Variants in SORL1 observed in about 807,000 individuals in gnomAD.
SORL1 encodes sortilin-related receptor.
A neutral mutation model predicts 273.7 loss-of-function variants in SORL1; 127 were observed. The ratio of observed to expected loss-of-function variants is 0.46; its 90% CI spans 0.40 to 0.54. The LOEUF (loss-of-function observed/expected upper bound fraction) is 0.54, where lower values mean the gene tolerates loss of function less well. Ranked by LOEUF, SORL1 falls within the 20% of genes least tolerant of loss-of-function variation. SORL1 has a pLI of 0.00. For missense variants in SORL1, 2,494 were observed against 2,846.1 expected, an observed-to-expected ratio of 0.88 and a Z score of 2.81; for synonymous variants, 1,031 against 1,067.4, an observed-to-expected ratio of 0.97 and a Z score of 0.66.
In SORL1 at chr11:121,625,124, A is replaced by G. The variant is rs374388546; in HGVS notation, c.6211A>G (p.Thr2071Ala). The change falls in exon 46 of 48, where the codon ACA becomes GCA. Residue 2071 changes from threonine (T) to alanine (A), a missense_variant. By Grantham distance (58) the Thr-to-Ala change is moderately conservative (BLOSUM62 0). Transcript: ENST00000260197. ...CATGTTTGATAGTGCCATGAATATC[A>G]CAGCTTACCTTGGGAATACTACTGA... ...IHMFDSAMNI[T>A]AYLGNTTDNF... is the part of the protein sequence containing the mutation. The G allele has an allele frequency of 1.7e-5, 28 of 1,613,460 alleles. No homozygotes were observed. The highest frequency in any genetic ancestry group is 2.4e-5 in the Non-Finnish European group (28 of 1,179,586).
chr11:121,452,395 C>A lies in SORL1; in HGVS notation c.64C>A (p.Leu22Met), dbSNP rs866322118. 1.3e-6 allele frequency: 2 copies of A among 1,539,458 alleles called. No individual in the cohort carries two copies. ...GTTCCTATTCACCCTGGTCGCACTG[C>A]TGCCGCCCGGAGCTCTCTGCGAAGT... ...LPFLFTLVAL[L>M]PPGALCEVWT... is the part of the protein sequence containing the mutation. Residue 22 changes from leucine (L) to methionine (M), a missense_variant, in exon 1 of 48, where the codon CTG becomes ATG. Leu to Met is a conservative substitution (Grantham distance 15, BLOSUM62 2). This residue lies in a region of SORL1 where 175 missense variants were observed against 147.1 expected (regional missense o/e 1.19). Coordinates refer to ENST00000260197, the MANE Select transcript of SORL1 (RefSeq NM_003105.6). The surrounding 1 kb of genome is among the most constrained non-coding windows in gnomAD (Gnocchi z 5.3).
intron 1 of SORL1, among the ~76,000 whole-genome samples, chr11:121,469,259 G>A (rs1861135333): frequency 6.6e-6 from 1 of 152,152 alleles, no homozygotes; most frequent in Non-Finnish European, 1.5e-5. Flanking sequence ...TCAGTCCCAG[G>A]CCACACCTTC....
intron 45 of SORL1, among the ~76,000 whole-genome samples, chr11:121,623,757 T>G (rs1463808501): frequency 6.6e-6 from 1 of 152,194 alleles, no homozygotes; most frequent in Admixed American, 6.5e-5. Flanking sequence ...AGGTTAAGAT[T>G]CTAGGTTAGT....
rs73595277 is a variant in SORL1 at position 121,583,440 on chromosome 11, C to A, written c.3581-18C>A. 1.2e-6 allele frequency: 2 copies of A among 1,605,648 alleles called. No individual in the cohort carries two copies. Among genetic ancestry groups the A allele is most frequent in the East Asian group, 4.5e-5 (2 of 44,254 alleles). ...GGAGATGAGGGGTGTGCGACTGTGT[C>A]TCTCTTCTCTGTTACAGCCATCTAT... On this transcript the variant is annotated intron_variant, in intron 25 of 47. Transcript: ENST00000260197.
intron 2 of SORL1, among the ~76,000 whole-genome samples, chr11:121,476,905 C>T (rs1036913793): frequency 2.0e-5 from 3 of 151,814 alleles, no homozygotes; most frequent in East Asian, 3.9e-4. Context: ...GATCTTCACA[C>T]CTCAGCTTCC....
intron 8 of SORL1, among the ~76,000 whole-genome samples, chr11:121,519,007 G>T (rs1404873267): frequency 6.6e-6 from 1 of 150,520 alleles, no homozygotes; most frequent in East Asian, 2.0e-4. Context: ...GAGTGCAGTG[G>T]CACGATCTCA....
In SORL1 at chr11:121,571,083, G is replaced by A. The variant is rs565609492; in HGVS notation, c.3337+813G>A. On this transcript the variant is annotated intron_variant, in intron 23 of 47. Coordinates refer to ENST00000260197, the MANE Select transcript of SORL1 (RefSeq NM_003105.6). ...ATATATTGCCGATCAAGGCAGAAAC[G>A]GAGTTCACAGTCTGAAGTAGGAGTC... is the stretch of plus-strand genomic sequence containing the variant. Among the ~76,000 whole-genome samples the A allele has an allele frequency of 3.3e-5, 5 of 152,296 alleles. No individual in the cohort carries two copies. The East Asian group carries it at 9.6e-4, about 29-fold the overall frequency.
At chr11:121,602,313 A>G (rs985856744) in intron 32 of SORL1, among the ~76,000 whole-genome samples, 1 of 152,146 alleles carries the variant, frequency 6.6e-6, no homozygotes, top group African/African-American at 2.4e-5. Flanking sequence ...TCTATTGACA[A>G]TTTTTTATCA....
At chr11:121,575,546 C>T (rs1056000712) in intron 24 of SORL1, among the ~76,000 whole-genome samples, 3 of 152,226 alleles carry the variant, frequency 2.0e-5, no homozygotes, top group Non-Finnish European at 4.4e-5. Flanking sequence ...CTCACAGCAG[C>T]TGAAATAAGG....
chr11:121,465,950 C>T (rs935849309), intron 1 of SORL1, among the ~76,000 whole-genome samples: 1 of 152,102 alleles, frequency 6.6e-6, no homozygotes, highest in Non-Finnish European at 1.5e-5. Context: ...CCCCCTAGGC[C>T]AGGTGATCTT....
intron 21 of SORL1, among the ~76,000 whole-genome samples, chr11:121,565,385 G>C (rs1862740590): frequency 6.6e-6 from 1 of 151,982 alleles, no homozygotes; most frequent in African/African-American, 2.4e-5. Flanking sequence ...ATTTTTATTT[G>C]TAATGTAAAT....
intron 23 of SORL1, among the ~76,000 whole-genome samples, chr11:121,572,961 G>A (rs567127953): frequency 3.3e-5 from 5 of 152,248 alleles, no homozygotes; most frequent in East Asian, 1.9e-4. Context: ...CCCCTCCCCC[G>A]TGCCAGCATT....
At chr11:121,476,456 C>T (rs539641625) in intron 2 of SORL1, among the ~76,000 whole-genome samples, 1 of 152,186 alleles carries the variant, frequency 6.6e-6, no homozygotes. Flanking sequence ...TAAAGACGTG[C>T]ATGTGCTCTC....
At chr11:121,590,668 T>C in intron 30 of SORL1, 1 of 620,654 alleles carries the variant, frequency 1.6e-6, no homozygotes, top group Admixed American at 2.7e-5. Flanking sequence ...ACACAATGCT[T>C]TGCCTCAGTA....
chr11:121,482,786 A>G (rs1861412425), intron 3 of SORL1, among the ~76,000 whole-genome samples: 1 of 152,200 alleles, frequency 6.6e-6, no homozygotes, highest in Non-Finnish European at 1.5e-5. Flanking sequence ...AAAGGTTAAG[A>G]TGTCAGGAAA....
At chr11:121,541,532 T>C (rs564462882) in intron 12 of SORL1, among the ~76,000 whole-genome samples, 1 of 152,290 alleles carries the variant, frequency 6.6e-6, no homozygotes, top group South Asian at 2.1e-4. Flanking sequence ...ATAATCTCAA[T>C]ATGAGATGAA....
intron 1 of SORL1, among the ~76,000 whole-genome samples, chr11:121,462,943 G>A (rs539343753): frequency 5.3e-5 from 8 of 152,256 alleles, no homozygotes; most frequent in African/African-American, 7.2e-5. Context: ...TTGACTGAAC[G>A]CGGTGAGGGG....
chr11:121,586,468 C>A, intron 27 of SORL1, 139 bp downstream of exon 27: 1 of 701,942 alleles, frequency 1.4e-6, no homozygotes, highest in African/African-American at 1.7e-5. Context: ...GAGTACTTGG[C>A]TAGGACTCCT....
At chr11:121,480,618 C>T (rs1861357988) in intron 3 of SORL1, among the ~76,000 whole-genome samples, 1 of 148,482 alleles carries the variant, frequency 6.7e-6, no homozygotes, top group South Asian at 2.1e-4. Context: ...AGCTCCTCCC[C>T]TAGTGCACAG....
Sources: gnomAD v4.1 joint callset for allele counts (sites outside exome capture counted in the v4.1 genomes callset) on GRCh38, gnomAD v4.1.1 for gene constraint, gnomAD v4.1.1 regional missense constraint, Gnocchi (gnomAD v3.1) non-coding constraint, MANE v1.5 for transcripts, NCBI Gene and HGNC (gene_info 2026-07-23, HGNC 2026-07-21) for gene names.